KCNIP4: variants seen among roughly 807,000 people sequenced by gnomAD.
KCNIP4 encodes potassium voltage-gated channel interacting protein 4.
Under a neutral mutation model 34.0 loss-of-function variants are expected in KCNIP4, and 12 were observed. The ratio of observed to expected loss-of-function variants is 0.35; its 90% CI spans 0.23 to 0.57. The LOEUF (loss-of-function observed/expected upper bound fraction) is 0.57. KCNIP4 is among the 20% of genes least tolerant of loss of function. The pLI, the probability that KCNIP4 is intolerant of heterozygous loss-of-function variation, is 0.83. For missense variants in KCNIP4, 238 were observed against 311.7 expected, an observed-to-expected ratio of 0.76 and a Z score of 1.78; for synonymous variants, 124 against 102.2, an observed-to-expected ratio of 1.21 and a Z score of -1.29.
intron 1 of KCNIP4, among the ~76,000 whole-genome samples, chr4:21,409,759 T>G (rs970104400): frequency 6.6e-6 from 1 of 152,122 alleles, no homozygotes; most frequent in Non-Finnish European, 1.5e-5. Flanking sequence ...TAAAAATAAA[T>G]GTATGTGAGT....
chr4:21,657,514 T>C (rs1748060555), intron 1 of KCNIP4, among the ~76,000 whole-genome samples: 1 of 152,232 alleles, frequency 6.6e-6, no homozygotes. Context: ...AGTGCTGAAG[T>C]CATAATAGGC....
chr4:20,949,870 A>AG (rs1271558894), intron 1 of KCNIP4, among the ~76,000 whole-genome samples: 1 of 26,134 alleles, frequency 3.8e-5, no homozygotes, highest in African/African-American at 1.5e-4. Flanking sequence ...GGGTGGGGGG[A>AG]GGGGGGAGGG....
chr4:21,299,129 T>C (rs1764012493), intron 1 of KCNIP4, among the ~76,000 whole-genome samples: 2 of 152,154 alleles, frequency 1.3e-5, no homozygotes, highest in South Asian at 2.1e-4. Context: ...GATATAGCCA[T>C]ACTATACTAT....
Position 20,730,452 on chromosome 4 carries a change from C to CAAAG in KCNIP4, c.706-327_706-324dup, listed in dbSNP as rs529443928. 6.0e-3 allele frequency among the ~76,000 whole-genome samples: 914 copies of CAAAG among 151,982 alleles called. 3 individuals carry two copies. The highest frequency in any genetic ancestry group is 9.9e-3 in the Non-Finnish European group (676 of 68,016). On this transcript the variant is annotated intron_variant, in intron 8 of 8. Transcript: ENST00000382152. Reference sequence around the variant, plus strand: ...AAACTACAGAGGTGCAGAGGTGTGTCAAAGCAAATGAGAATTTTGGCATTC... The same window carrying CAAAG: ...AAACTACAGAGGTGCAGAGGTGTGTCAAAGAAAGCAAATGAGAATTTTGGCATTC...
intron 1 of KCNIP4, among the ~76,000 whole-genome samples, chr4:21,276,363 T>A (rs1451613659): frequency 2.1e-5 from 1 of 47,608 alleles, no homozygotes; most frequent in Non-Finnish European, 3.8e-5. Context: ...GATTTTCTCT[T>A]TTTTTTTTTT....
intron 1 of KCNIP4, among the ~76,000 whole-genome samples, chr4:21,705,839 C>T (rs2109068880): frequency 6.6e-6 from 1 of 152,266 alleles, no homozygotes; most frequent in Non-Finnish European, 1.5e-5. Flanking sequence ...GTTTGAAAAA[C>T]CTTCTCAAAA....
intron 2 of KCNIP4, among the ~76,000 whole-genome samples, chr4:20,867,318 C>A (rs914245094): frequency 6.6e-6 from 1 of 152,018 alleles, no homozygotes; most frequent in African/African-American, 2.4e-5. Context: ...TACTGCTATA[C>A]ACACAGACAC....
intron 1 of KCNIP4, among the ~76,000 whole-genome samples, chr4:21,143,505 A>G (rs1752123912): frequency 6.6e-6 from 1 of 152,138 alleles, no homozygotes; most frequent in African/African-American, 2.4e-5. Flanking sequence ...AGCCCAGCCC[A>G]GCAACACCTT....
chr4:21,918,525 C>T (rs1002259440), intron 1 of KCNIP4, among the ~76,000 whole-genome samples: 4 of 151,778 alleles, frequency 2.6e-5, no homozygotes, highest in East Asian at 3.9e-4. Context: ...ACTGTGACAC[C>T]CCCCTCCACT....
chr4:21,519,663 T>TACACGTGTGTGTATGTATGTGTATATAC lies in KCNIP4; in HGVS notation c.61+428880_61+428907dup, dbSNP rs1560480537. 4.5e-3 allele frequency among the ~76,000 whole-genome samples: 531 copies of TACACGTGTGTGTATGTATGTGTATATAC among 118,286 alleles called. 10 individuals carry two copies. The highest frequency in any genetic ancestry group is 8.5e-3 in the Admixed American group (95 of 11,126). The allele number at this position is 118,286 out of a possible 152,430, so 77.6% of individuals were successfully genotyped here. The stretch of plus-strand genomic sequence containing the variant: ...ATGTGTGTGTATGTATGTGTATATA[T>TACACGTGTGTGTATGTATGTGTATATAC]ACACGTGTGTGTATGTATGTGTATA... On this transcript the variant is annotated intron_variant, in intron 1 of 8. Transcript: ENST00000382152.
At chr4:21,554,292 G>A (rs931830644) in intron 1 of KCNIP4, among the ~76,000 whole-genome samples, 1 of 152,208 alleles carries the variant, frequency 6.6e-6, no homozygotes, top group Non-Finnish European at 1.5e-5. Context: ...CACAGCAAGT[G>A]AGCAGGCCAG....
intron 1 of KCNIP4, among the ~76,000 whole-genome samples, chr4:21,804,822 A>G (rs769881853): frequency 6.6e-6 from 1 of 152,320 alleles, no homozygotes. Flanking sequence ...ATACAATTTC[A>G]TTCTGTCACA....
At chr4:21,368,722 T>C (rs1578136748) in intron 1 of KCNIP4, among the ~76,000 whole-genome samples, 1 of 147,464 alleles carries the variant, frequency 6.8e-6, no homozygotes, top group East Asian at 2.0e-4. Flanking sequence ...GAGGGGAGCC[T>C]CATATAGTAT....
At chr4:21,731,889 C>T (rs923363558) in intron 1 of KCNIP4, among the ~76,000 whole-genome samples, 1 of 152,052 alleles carries the variant, frequency 6.6e-6, no homozygotes, top group Admixed American at 6.6e-5. Context: ...AAAATCAGAA[C>T]AGCTAAGACA....
At chr4:20,733,474 A>G (rs141768897) in intron 6 of KCNIP4, among the ~76,000 whole-genome samples, 451 of 152,278 alleles carry the variant, frequency 3.0e-3, no homozygotes, top group Non-Finnish European at 5.0e-3. Flanking sequence ...AGATCTCTCA[A>G]TTAGGTTAAT....
chr4:21,500,360 A>T (rs1273146755), intron 1 of KCNIP4, among the ~76,000 whole-genome samples: 2 of 152,028 alleles, frequency 1.3e-5, no homozygotes. Context: ...CCTGGGTCTT[A>T]GTTTCTGAAA....
intron 1 of KCNIP4, among the ~76,000 whole-genome samples, chr4:21,431,148 GGGCAA>G (rs1726406334): frequency 6.6e-6 from 1 of 151,532 alleles, no homozygotes; most frequent in African/African-American, 2.4e-5. Flanking sequence ...CGAAGGAGAA[GGGCAA>G]GGATATCCAA....
chr4:21,138,250 C>A (rs1275009184), intron 1 of KCNIP4, among the ~76,000 whole-genome samples: 1 of 152,076 alleles, frequency 6.6e-6, no homozygotes, highest in African/African-American at 2.4e-5. Context: ...CCTAAGGATC[C>A]CACTCAAATA....
chr4:20,764,201 A>G (rs1755192255), intron 3 of KCNIP4, among the ~76,000 whole-genome samples: 1 of 152,198 alleles, frequency 6.6e-6, no homozygotes, highest in South Asian at 2.1e-4. Context: ...AAAAAATTAA[A>G]GAAAATGAAA....
Sources: gnomAD v4.1 joint callset for allele counts (sites outside exome capture counted in the v4.1 genomes callset) on GRCh38, gnomAD v4.1.1 for gene constraint, MANE v1.5 for transcripts, NCBI Gene and HGNC (gene_info 2026-07-23, HGNC 2026-07-21) for gene names.